The following WDR25 variants were observed in gnomAD, a reference collection of about 807,000 sequenced individuals.
WDR25 encodes WD repeat domain 25.
Under a neutral mutation model 47.7 loss-of-function variants are expected in WDR25, and 35 were observed. That is an observed-to-expected ratio of 0.73 (90% CI 0.56 to 0.97). The LOEUF is 0.97. Among genes scored for constraint, WDR25 ranks in the 50% least tolerant of loss-of-function variants. The pLI is 0.00. For missense variants in WDR25, 634 were observed against 704.7 expected (o/e 0.90, Z 1.14); for synonymous variants, 248 against 278.9 (o/e 0.89, Z 1.10).
At chr14:100,398,933 T>G (rs1385845182) in intron 2 of WDR25, among the ~76,000 whole-genome samples, 1 of 150,984 alleles carries the variant, frequency 6.6e-6, no homozygotes, top group East Asian at 1.9e-4. Flanking sequence ...CTTTTGGTTT[T>G]CAAGACTTGC....
chr14:100,468,127 G>C lies in WDR25; in HGVS notation c.929G>C (p.Gly310Ala). 1.2e-6 allele frequency: 2 copies of C among 1,613,680 alleles called. No individual in the cohort carries two copies. Among genetic ancestry groups the C allele is most frequent in the Non-Finnish European group, 1.7e-6 (2 of 1,180,026 alleles). Residue 310 changes from glycine (G) to alanine (A), a missense_variant, in exon 3 of 7, where the codon GGT (glycine) becomes GCT (alanine). Physicochemically the swap from Gly to Ala is moderately conservative, Grantham distance 60 (BLOSUM62 0). Coordinates refer to ENST00000402312, the MANE Select transcript of WDR25 (RefSeq NM_001161476.3). This position sits in a 1 kb window ranked among gnomAD's most constrained non-coding sequence, Gnocchi z 4.5. ...WAPCGRRILS[G>A]GFDFALHLTD... ...CCCTGTGGCCGGCGCATCCTCAGTGGTGGCTTTGACTTCGCGCTGCACCTA... is the reference window on the plus strand; with the variant it reads ...CCCTGTGGCCGGCGCATCCTCAGTGCTGGCTTTGACTTCGCGCTGCACCTA...
Position 100,525,069 on chromosome 14 carries a change from C to T in WDR25, c.1102-801C>T, listed in dbSNP as rs2030050442. Among the ~76,000 whole-genome samples, 2 of 152,166 alleles carry T rather than the reference C, an allele frequency of 1.3e-5. No homozygotes were observed. Among genetic ancestry groups the T allele is most frequent in the Admixed American group, 6.5e-5 (1 of 15,290 alleles). On this transcript the variant is annotated intron_variant, in intron 4 of 6. Transcript: ENST00000402312. This position sits in a 1 kb window ranked among gnomAD's most constrained non-coding sequence, Gnocchi z 4.6. ...AAAGGGACCGGCCGGCCCCTGCGACCAACTTGAGACCTTGCTGCGCTTCCA... is the reference window on the plus strand; with the variant it reads ...AAAGGGACCGGCCGGCCCCTGCGACTAACTTGAGACCTTGCTGCGCTTCCA...
rs542859987 is a variant in WDR25, at chr14:100,502,193, C to T, written c.1101+18069C>T. On this transcript the variant is annotated intron_variant, in intron 4 of 6. Transcript: ENST00000402312. This position sits in a 1 kb window ranked among gnomAD's most constrained non-coding sequence, Gnocchi z 4.5. Reference sequence around the variant, plus strand: ...GTTGTGGGAGGTGCAGGCAGAGCCCCCCACTGTGGTGGCCCTTGCCCTCCC... The same window carrying T: ...GTTGTGGGAGGTGCAGGCAGAGCCCTCCACTGTGGTGGCCCTTGCCCTCCC... Among the ~76,000 whole-genome samples the T allele has an allele frequency of 1.3e-5, 2 of 152,318 alleles. No homozygotes were observed. The highest frequency in any genetic ancestry group is 2.4e-5 in the African/African-American group (1 of 41,574).
At chr14:100,401,217 G>A (rs968454081) in intron 2 of WDR25, among the ~76,000 whole-genome samples, 2 of 152,060 alleles carry the variant, frequency 1.3e-5, no homozygotes, top group Admixed American at 6.5e-5. Flanking sequence ...CCCCCTCCCC[G>A]TGGCTGCAGC....
chr14:100,397,133 G>A (rs1413858333), intron 2 of WDR25, among the ~76,000 whole-genome samples: 3 of 152,192 alleles, frequency 2.0e-5, no homozygotes, highest in Non-Finnish European at 4.4e-5. Context: ...AACACTTAAC[G>A]AGTTCAAAGC....
At chr14:100,420,427 G>A (rs968431069) in intron 2 of WDR25, among the ~76,000 whole-genome samples, 1 of 152,030 alleles carries the variant, frequency 6.6e-6, no homozygotes, top group African/African-American at 2.4e-5. Context: ...TCATGTGGTT[G>A]TACCACAATT....
At position 100,456,181 on chromosome 14, in the gene WDR25, G is replaced by A. The variant is rs1425481462; in HGVS notation, c.823-11840G>A. ...AAGACCAGTCTGGGCAATGTAGTGA[G>A]ACCTTGTCTCAAAAAATTAGGTAGG... is the stretch of plus-strand genomic sequence containing the variant. On this transcript the variant is annotated intron_variant, in intron 2 of 6. Coordinates refer to ENST00000402312, the MANE Select transcript of WDR25 (RefSeq NM_001161476.3). 2.0e-5 allele frequency among the ~76,000 whole-genome samples: 3 copies of A among 152,046 alleles called. No individual in the cohort carries two copies. In the East Asian group the frequency reaches 5.8e-4, roughly 29 times the overall value.
Position 100,392,934 on chromosome 14 carries a change from T to C in WDR25, c.822+11188T>C, listed in dbSNP as rs1897176545. On this transcript the variant is annotated intron_variant, in intron 2 of 6. Coordinates refer to ENST00000402312, the MANE Select transcript of WDR25 (RefSeq NM_001161476.3). The surrounding 1 kb of genome is among the most constrained non-coding windows in gnomAD (Gnocchi z 4.2). ...ACATTTTCATGGGTCCAGATACGTCTCTTGTCAGATTGCTTTCCAAAAGGA... is the reference window on the plus strand; with the variant it reads ...ACATTTTCATGGGTCCAGATACGTCCCTTGTCAGATTGCTTTCCAAAAGGA... 1.3e-5 allele frequency among the ~76,000 whole-genome samples: 2 copies of C among 152,260 alleles called. No homozygotes were observed. Among genetic ancestry groups the C allele is most frequent in the African/African-American group, 4.8e-5 (2 of 41,472 alleles).
chr14:100,460,339 C>T lies in WDR25; in HGVS notation c.823-7682C>T, dbSNP rs987467107. ...GCGTTAGCCAGGATGGTCTTGATCT[C>T]CTGACCACATGATCCGCCTGCCTCG... is the stretch of plus-strand genomic sequence containing the variant. On this transcript the variant is annotated intron_variant, in intron 2 of 6. Coordinates refer to ENST00000402312, the MANE Select transcript of WDR25 (RefSeq NM_001161476.3). Among the ~76,000 whole-genome samples the T allele has an allele frequency of 2.6e-5, 4 of 152,026 alleles. 1 individual carries two copies. The highest frequency in any genetic ancestry group is 5.9e-5 in the Non-Finnish European group (4 of 67,990).
At chr14:100,420,447 T>C (rs1302433252) in intron 2 of WDR25, among the ~76,000 whole-genome samples, 2 of 152,250 alleles carry the variant, frequency 1.3e-5, no homozygotes, top group Non-Finnish European at 2.9e-5. Context: ...TTGCTAGTTG[T>C]ATCCCTGTTG....
chr14:100,405,093 A>T (rs1897493067), intron 2 of WDR25, among the ~76,000 whole-genome samples: 1 of 152,032 alleles, frequency 6.6e-6, no homozygotes, highest in Non-Finnish European at 1.5e-5. Flanking sequence ...CAGCCAAACC[A>T]GGAGCCTAAG....
rs549406806 is a variant in WDR25, at chr14:100,498,281, G to A, written c.1101+14157G>A. Among the ~76,000 whole-genome samples the A allele has an allele frequency of 3.2e-4, 49 of 152,304 alleles. No individual in the cohort carries two copies. Among genetic ancestry groups the A allele is most frequent in the Non-Finnish European group, 5.4e-4 (37 of 68,032 alleles). On this transcript the variant is annotated intron_variant, in intron 4 of 6. Transcript: ENST00000402312. The surrounding 1 kb of genome is among the most constrained non-coding windows in gnomAD (Gnocchi z 4.2). ...GCGGAGGCTGCGGAGGGAGATGGATGTGCTGAGAGGAGACTGAGGGCCACG... is the reference window on the plus strand; with the variant it reads ...GCGGAGGCTGCGGAGGGAGATGGATATGCTGAGAGGAGACTGAGGGCCACG...
intron 2 of WDR25, among the ~76,000 whole-genome samples, chr14:100,427,621 TGTGGG>T (rs1264080598): frequency 7.2e-5 from 11 of 152,354 alleles, no homozygotes; most frequent in African/African-American, 2.4e-4. Flanking sequence ...AAGGATGTGC[TGTGGG>T]GTCCCGTCAT....
In WDR25 at chr14:100,392,205, T is replaced by C. The variant is rs1383325052; in HGVS notation, c.822+10459T>C. Among the ~76,000 whole-genome samples, 1 of 152,182 alleles carries C rather than the reference T, an allele frequency of 6.6e-6. No homozygotes were observed. The highest frequency in any genetic ancestry group is 1.9e-4 in the East Asian group (1 of 5,196). ...ATAATCCGAAAAAACAACAGCTCTTTGGGGTCCTCAGTCATTTTAGACAGT... is the reference window on the plus strand; with the variant it reads ...ATAATCCGAAAAAACAACAGCTCTTCGGGGTCCTCAGTCATTTTAGACAGT... On this transcript the variant is annotated intron_variant, in intron 2 of 6. Coordinates refer to ENST00000402312, the MANE Select transcript of WDR25 (RefSeq NM_001161476.3). This position sits in a 1 kb window ranked among gnomAD's most constrained non-coding sequence, Gnocchi z 4.2.
intron 2 of WDR25, among the ~76,000 whole-genome samples, chr14:100,394,283 A>G (rs1447182250): frequency 6.6e-6 from 1 of 152,132 alleles, no homozygotes; most frequent in Non-Finnish European, 1.5e-5. Context: ...CTTCCAGTCC[A>G]GCAGTGTGAC....
intron 2 of WDR25, among the ~76,000 whole-genome samples, chr14:100,408,541 C>T (rs1366462121): frequency 6.6e-6 from 1 of 151,396 alleles, no homozygotes; most frequent in Non-Finnish European, 1.5e-5. Flanking sequence ...CCAATCCCTG[C>T]TCCCCCCAGT....
rs2030423190 is a variant in WDR25, at chr14:100,530,187, G to A, written c.*146G>A. The A allele has an allele frequency of 6.0e-6, 5 of 839,952 alleles. No homozygotes were observed. The highest frequency in any genetic ancestry group is 9.0e-6 in the Non-Finnish European group (5 of 553,394). 52.0% of individuals were successfully genotyped at this position (839,952 alleles called of 1,614,324 possible). A position where few individuals can be genotyped will look rare whatever the true frequency, so the allele number is the denominator to read the frequency against. On this transcript the variant is annotated 3_prime_UTR_variant, in exon 7 of 7. Transcript: ENST00000402312. The stretch of plus-strand genomic sequence containing the variant: ...CCTCAGTTTCCTCATCTGTAAAGTG[G>A]GGAGAAAAGTCTGTTTGCCTCAGGA...
intron 2 of WDR25, among the ~76,000 whole-genome samples, chr14:100,409,770 G>T (rs1429755701): frequency 6.6e-6 from 1 of 152,164 alleles, no homozygotes; most frequent in African/African-American, 2.4e-5. Flanking sequence ...CAGTTTCCTG[G>T]GTGAGAGTTA....
chr14:100,401,399 A>T (rs1008441108), intron 2 of WDR25, among the ~76,000 whole-genome samples: 1 of 152,132 alleles, frequency 6.6e-6, no homozygotes, highest in African/African-American at 2.4e-5. Flanking sequence ...TTGAGGTCTG[A>T]GTGTCGTGGA....
Sources: gnomAD v4.1 joint callset for allele counts (sites outside exome capture counted in the v4.1 genomes callset) on GRCh38, gnomAD v4.1.1 for gene constraint, Gnocchi (gnomAD v3.1) non-coding constraint, MANE v1.5 for transcripts, NCBI Gene and HGNC (gene_info 2026-07-23, HGNC 2026-07-21) for gene names.